The following CDH10 variants were observed in gnomAD, a reference collection of about 807,000 sequenced individuals.
The protein encoded by CDH10 is cadherin 10.
A neutral mutation model predicts 73.1 loss-of-function variants in CDH10; 30 were observed. The observed-to-expected ratio is 0.41, with a 90% CI of 0.31 to 0.56. The LOEUF is 0.56. CDH10 is among the 20% of genes least tolerant of loss of function. The pLI is 0.27. For synonymous variants in CDH10, 345 were observed against 348.2 expected, an observed-to-expected ratio of 0.99 and a Z score of 0.10; for missense variants, 815 against 973.7, an observed-to-expected ratio of 0.84 and a Z score of 2.17.
intron 2 of CDH10, among the ~76,000 whole-genome samples, chr5:24,583,971 G>A (rs1456485029): frequency 6.6e-6 from 1 of 152,124 alleles, no homozygotes; most frequent in African/African-American, 2.4e-5. Context: ...GGCGAATGAG[G>A]TATAATGTTG....
intron 2 of CDH10, among the ~76,000 whole-genome samples, chr5:24,557,965 C>T (rs561468062): frequency 1.0e-3 from 156 of 151,684 alleles, no homozygotes; most frequent in Non-Finnish European, 1.1e-3. Flanking sequence ...CTTTCAACCA[C>T]CCCCAGAATT....
At chr5:24,492,265 G>A (rs1389458459) in intron 10 of CDH10, among the ~76,000 whole-genome samples, 1 of 152,204 alleles carries the variant, frequency 6.6e-6, no homozygotes, top group East Asian at 1.9e-4. Context: ...TGAAGAAAAT[G>A]GATTAGGTAA....
intron 4 of CDH10, 30 bp from the exon 5 acceptor site, chr5:24,535,309 T>C (rs745394522): frequency 6.4e-7 from 1 of 1,572,702 alleles, no homozygotes; most frequent in Non-Finnish European, 8.6e-7. Flanking sequence ...ACTTCCATTA[T>C]CTTCACTGAA....
At chr5:24,600,646 C>T (rs554253532) in intron 1 of CDH10, among the ~76,000 whole-genome samples, 12 of 151,868 alleles carry the variant, frequency 7.9e-5, no homozygotes, top group South Asian at 6.2e-4. Context: ...TGCAGATGTA[C>T]GTGTTTGCAA....
intron 1 of CDH10, among the ~76,000 whole-genome samples, chr5:24,629,464 G>GA (rs1393594851): frequency 6.6e-6 from 1 of 151,756 alleles, no homozygotes; most frequent in South Asian, 2.1e-4. Context: ...ATCAGGTGAA[G>GA]AAAAAAAACT....
At chr5:24,622,389 G>A (rs940990135) in intron 1 of CDH10, among the ~76,000 whole-genome samples, 7 of 152,074 alleles carry the variant, frequency 4.6e-5, no homozygotes, top group Non-Finnish European at 7.4e-5. Context: ...GGGAAGAAGG[G>A]ACATTTTCCT....
At chr5:24,640,488 T>C (rs1748012696) in intron 1 of CDH10, among the ~76,000 whole-genome samples, 1 of 151,562 alleles carries the variant, frequency 6.6e-6, no homozygotes, top group African/African-American at 2.4e-5. Flanking sequence ...CTTTAATTTA[T>C]ATCATCACAT....
At chr5:24,641,383 G>A (rs1748045007) in intron 1 of CDH10, among the ~76,000 whole-genome samples, 1 of 151,792 alleles carries the variant, frequency 6.6e-6, no homozygotes. Flanking sequence ...AACTTATTGG[G>A]GTAAATGCAG....
intron 1 of CDH10, among the ~76,000 whole-genome samples, chr5:24,637,412 T>G (rs1212394439): frequency 6.6e-6 from 1 of 152,028 alleles, no homozygotes; most frequent in Admixed American, 6.6e-5. Context: ...TACCATCTAA[T>G]TCTACTACTA....
intron 1 of CDH10, among the ~76,000 whole-genome samples, chr5:24,594,180 T>C (rs1247206953): frequency 2.0e-5 from 3 of 151,926 alleles, no homozygotes. Flanking sequence ...TCTTCCCTGT[T>C]AGGTTAGCCT....
chr5:24,534,719 C>T (rs1039791870), intron 5 of CDH10, among the ~76,000 whole-genome samples: 5 of 152,064 alleles, frequency 3.3e-5, no homozygotes, highest in Non-Finnish European at 4.4e-5. Flanking sequence ...AAATTGTCCT[C>T]AATTTAGGTT....
chr5:24,615,637 C>A (rs1015483674), intron 1 of CDH10, among the ~76,000 whole-genome samples: 8 of 152,292 alleles, frequency 5.3e-5, no homozygotes, highest in Middle Eastern at 3.4e-3. Flanking sequence ...GGTTTTTGCT[C>A]TCTGAAGCCT....
intron 11 of CDH10, among the ~76,000 whole-genome samples, chr5:24,488,975 T>G (rs1455452770): frequency 6.6e-6 from 1 of 151,930 alleles, no homozygotes; most frequent in Non-Finnish European, 1.5e-5. Context: ...ATCAAAACAG[T>G]GGTAATAGCA....
intron 2 of CDH10, among the ~76,000 whole-genome samples, chr5:24,554,749 TG>T (rs1744706400): frequency 6.6e-6 from 1 of 152,142 alleles, no homozygotes; most frequent in Non-Finnish European, 1.5e-5. Flanking sequence ...ATCTTATCCT[TG>T]TGGTTTTAAA....
At chr5:24,513,545 A>C (rs2111778683) in intron 5 of CDH10, among the ~76,000 whole-genome samples, 1 of 152,244 alleles carries the variant, frequency 6.6e-6, no homozygotes, top group East Asian at 1.9e-4. Context: ...TGTGTGGTTT[A>C]AGCCACCCAT....
In CDH10 at chr5:24,644,936, T is replaced by C. The variant is rs988504542; in HGVS notation, c.-466A>G. Reference sequence around the variant, plus strand: ...CACTCGCCATGGGAAGGTTAGAGACTGTGGAAGTGCTGGCTTCTGCGAGCA... The same window carrying C: ...CACTCGCCATGGGAAGGTTAGAGACCGTGGAAGTGCTGGCTTCTGCGAGCA... On this transcript the variant is annotated 5_prime_UTR_variant, in exon 1 of 12. Coordinates refer to ENST00000264463, the MANE Select transcript of CDH10 (RefSeq NM_006727.5). 1 of 151,972 alleles carries C rather than the reference T, an allele frequency of 6.6e-6. No individual in the cohort carries two copies. Among genetic ancestry groups the C allele is most frequent in the Non-Finnish European group, 1.5e-5 (1 of 68,014 alleles). The allele number at this position is 151,972 out of a possible 1,614,324, so 9.4% of individuals were successfully genotyped here.
chr5:24,586,224 C>A (rs950275590), intron 2 of CDH10, among the ~76,000 whole-genome samples: 2 of 152,076 alleles, frequency 1.3e-5, no homozygotes, highest in African/African-American at 4.8e-5. Flanking sequence ...TTTATGTAAT[C>A]TATAAATGCA....
At chr5:24,626,339 T>C (rs577446026) in intron 1 of CDH10, among the ~76,000 whole-genome samples, 269 of 152,278 alleles carry the variant, frequency 1.8e-3, no homozygotes, top group African/African-American at 6.2e-3. Context: ...TGAAGCTTAT[T>C]TGGCAAAAAC....
intron 1 of CDH10, among the ~76,000 whole-genome samples, chr5:24,604,901 ACAAAC>A (rs1173141920): frequency 8.0e-5 from 12 of 150,260 alleles, no homozygotes; most frequent in African/African-American, 3.0e-4. Context: ...AAAAACAAAA[ACAAAC>A]AAACAAACAA....
Sources: allele counts gnomAD v4.1 joint callset (sites outside exome capture counted in the v4.1 genomes callset), GRCh38; gene constraint gnomAD v4.1.1; transcripts MANE v1.5; gene names NCBI Gene and HGNC (gene_info 2026-07-23, HGNC 2026-07-21).